ZNF438: variants seen among roughly 807,000 people sequenced by gnomAD.
ZNF438 encodes zinc finger protein 438.
A neutral mutation model predicts 38.0 loss-of-function variants in ZNF438; 25 were observed. That is an observed-to-expected ratio of 0.66 (90% CI 0.48 to 0.92). The LOEUF is 0.92. Among genes scored for constraint, ZNF438 ranks in the 40% least tolerant of loss-of-function variants. The probability of loss-of-function intolerance (pLI) is 0.00; values close to 1 mark genes in which losing one functional copy is unlikely to be tolerated. For synonymous variants in ZNF438, 372 were observed against 364.1 expected (o/e 1.02, Z -0.25); for missense variants, 1,007 against 999.6 (o/e 1.01, Z -0.10).
intron 2 of ZNF438, among the ~76,000 whole-genome samples, chr10:30,909,394 A>T (rs1391476895): frequency 9.2e-5 from 14 of 152,164 alleles, no homozygotes. Context: ...ACAATAGGAA[A>T]ATTACATGAC....
intron 1 of ZNF438, among the ~76,000 whole-genome samples, chr10:30,945,033 A>C (rs1589332000): frequency 6.8e-6 from 1 of 147,436 alleles, no homozygotes; most frequent in Non-Finnish European, 1.5e-5. Context: ...TCTACTTTAC[A>C]GTACTCTTCC....
At chr10:30,891,536 T>C (rs989634836) in intron 3 of ZNF438, among the ~76,000 whole-genome samples, 3 of 152,200 alleles carry the variant, frequency 2.0e-5, no homozygotes, top group African/African-American at 7.2e-5. Flanking sequence ...TAAAATAATT[T>C]AACAAATTTA....
intron 4 of ZNF438, among the ~76,000 whole-genome samples, chr10:30,869,843 C>CAT (rs1341732446): frequency 6.6e-6 from 1 of 152,156 alleles, no homozygotes; most frequent in African/African-American, 2.4e-5. Context: ...TTTGGTAATA[C>CAT]ATAGGGAATG....
intron 1 of ZNF438, among the ~76,000 whole-genome samples, chr10:31,015,273 T>C (rs1314163873): frequency 1.3e-5 from 2 of 152,178 alleles, no homozygotes; most frequent in African/African-American, 2.4e-5. Context: ...TCTGTCATTA[T>C]TACCAGTGAT....
At chr10:31,006,891 G>A (rs1473901843) in intron 1 of ZNF438, among the ~76,000 whole-genome samples, 1 of 152,074 alleles carries the variant, frequency 6.6e-6, no homozygotes, top group African/African-American at 2.4e-5. Context: ...ATTTGGTAAG[G>A]CGGAATGAAG....
chr10:30,920,762 T>C (rs1022765698), intron 2 of ZNF438: 3 of 152,234 alleles, frequency 2.0e-5, no homozygotes, highest in African/African-American at 4.8e-5. Context: ...CTGTCAACCA[T>C]AGAGGTCAAG....
intron 3 of ZNF438, among the ~76,000 whole-genome samples, chr10:30,880,316 A>C (rs768207674): frequency 4.0e-5 from 6 of 151,850 alleles, no homozygotes; most frequent in African/African-American, 1.5e-4. Flanking sequence ...CTGTAATTCC[A>C]GGTACTCGGG....
intron 4 of ZNF438, among the ~76,000 whole-genome samples, chr10:30,855,524 G>C (rs1030716647): frequency 6.6e-6 from 1 of 152,212 alleles, no homozygotes. Flanking sequence ...TGAAGGTGGT[G>C]TTGAATCCAA....
At chr10:30,861,434 T>A (rs1484567711) in intron 4 of ZNF438, among the ~76,000 whole-genome samples, 2 of 152,194 alleles carry the variant, frequency 1.3e-5, no homozygotes, top group Non-Finnish European at 2.9e-5. Flanking sequence ...GGGCTGGCTA[T>A]ATCATGCTGC....
intron 1 of ZNF438, among the ~76,000 whole-genome samples, chr10:30,983,578 T>A (rs2136500472): frequency 6.6e-6 from 1 of 152,262 alleles, no homozygotes; most frequent in South Asian, 2.1e-4. Context: ...CAATTTGACA[T>A]GAGATTTGGG....
At chr10:30,924,250 G>A (rs2044651842) in intron 2 of ZNF438, among the ~76,000 whole-genome samples, 1 of 152,182 alleles carries the variant, frequency 6.6e-6, no homozygotes, top group Non-Finnish European at 1.5e-5. Context: ...GACGATGAAT[G>A]TTGCCAAGGA....
intron 1 of ZNF438, among the ~76,000 whole-genome samples, chr10:30,944,795 G>A (rs146250510): frequency 6.6e-6 from 1 of 152,280 alleles, no homozygotes; most frequent in East Asian, 1.9e-4. Flanking sequence ...AGGAGAAACG[G>A]TTGTTTCAAG....
chr10:30,985,259 G>T (rs981201824), intron 1 of ZNF438, among the ~76,000 whole-genome samples: 1 of 152,156 alleles, frequency 6.6e-6, no homozygotes, highest in Non-Finnish European at 1.5e-5. Context: ...ACTGAATACT[G>T]CTCCCTGCTC....
intron 4 of ZNF438, among the ~76,000 whole-genome samples, chr10:30,851,366 G>C (rs1453341968): frequency 1.3e-5 from 2 of 152,202 alleles, no homozygotes. Flanking sequence ...GAGGTCTCAA[G>C]GTCACAAGAC....
At chr10:30,922,482 G>T (rs993432325) in intron 2 of ZNF438, among the ~76,000 whole-genome samples, 1 of 152,210 alleles carries the variant, frequency 6.6e-6, no homozygotes, top group Non-Finnish European at 1.5e-5. Context: ...TAAATTGAGT[G>T]ATCTACATTT....
At chr10:30,953,336 G>A (rs924140509) in intron 1 of ZNF438, among the ~76,000 whole-genome samples, 2 of 151,856 alleles carry the variant, frequency 1.3e-5, no homozygotes, top group African/African-American at 4.8e-5. Context: ...GCACCAGCGT[G>A]GCACATGTAT....
At chr10:30,984,052 C>T (rs1251680038) in intron 1 of ZNF438, among the ~76,000 whole-genome samples, 2 of 152,038 alleles carry the variant, frequency 1.3e-5, no homozygotes, top group Non-Finnish European at 2.9e-5. Context: ...CCCAGGGTAC[C>T]ATATTGCATT....
At chr10:31,031,498 A>G (rs2133485267) in intron 1 of ZNF438, among the ~76,000 whole-genome samples, 1 of 152,314 alleles carries the variant, frequency 6.6e-6, no homozygotes, top group South Asian at 2.1e-4. Context: ...GGGGAAGAAA[A>G]GGAATCTAAG....
chr10:30,871,115 C>T (rs566968920), intron 4 of ZNF438, among the ~76,000 whole-genome samples: 32 of 152,288 alleles, frequency 2.1e-4, no homozygotes, highest in Admixed American at 5.2e-4. Flanking sequence ...GAATAAACCA[C>T]TTTCAGGTTA....
Sources: gnomAD v4.1 joint callset for allele counts (sites outside exome capture counted in the v4.1 genomes callset) on GRCh38, gnomAD v4.1.1 for gene constraint, MANE v1.5 for transcripts, NCBI Gene and HGNC (gene_info 2026-07-23, HGNC 2026-07-21) for gene names.